The following CELF5 variants were observed in gnomAD, a reference collection of about 807,000 sequenced individuals.
The protein encoded by CELF5 is CUG-BP and ETR-3 like factor 5.
Under a neutral mutation model 54.9 loss-of-function variants are expected in CELF5, and 6 were observed. The ratio of observed to expected loss-of-function variants is 0.11; its 90% CI spans 0.06 to 0.22. CELF5 has a LOEUF of 0.22. Ranked by LOEUF, CELF5 falls within the 10% of genes least tolerant of loss-of-function variation. CELF5 has a pLI of 1.00. For synonymous variants in CELF5, 271 were observed against 290.9 expected (o/e 0.93, Z 0.70); for missense variants, 401 against 678.6 (o/e 0.59, Z 4.54).
intron 1 of CELF5, among the ~76,000 whole-genome samples, chr19:3,243,855 C>T (rs753324681): frequency 6.6e-5 from 10 of 152,032 alleles, no homozygotes; most frequent in Non-Finnish European, 1.5e-4. Context: ...TTCACGTCCC[C>T]CTGCCTGTGC....
intron 10 of CELF5, among the ~76,000 whole-genome samples, chr19:3,287,429 G>A (rs313783): frequency 0.13 from 19,635 of 149,326 alleles, 1,853 homozygotes; most frequent in African/African-American, 0.25. Context: ...GCGTGGTGGC[G>A]TGTGTCTGTA....
intron 10 of CELF5, 137 bp downstream of exon 10, chr19:3,286,162 T>C (rs2080245301): frequency 1.5e-6 from 1 of 673,262 alleles, no homozygotes; most frequent in East Asian, 3.4e-5. Flanking sequence ...CAGGCCAGAG[T>C]TGAGTCCCGG....
intron 5 of CELF5, among the ~76,000 whole-genome samples, chr19:3,280,103 C>T (rs2080123372): frequency 6.6e-6 from 1 of 152,300 alleles, no homozygotes; most frequent in East Asian, 1.9e-4. Context: ...CCCAGGGCTG[C>T]CTGTTGGTGG....
Position 3,296,998 on chromosome 19 carries a change from G to A in CELF5, c.*281G>A, listed in dbSNP as rs1392267581. On this transcript the variant is annotated 3_prime_UTR_variant, in exon 13 of 13. Coordinates refer to ENST00000292672, the MANE Select transcript of CELF5 (RefSeq NM_021938.4). ...AGCAAAGCGTCTTAATGTTCAAAAC[G>A]CCTCTCTTTGGTCTGGAGAAAAAAA... 1 of 111,368 alleles carries A rather than the reference G, an allele frequency of 9.0e-6. No individual in the cohort carries two copies. The highest frequency in any genetic ancestry group is 1.7e-5 in the Non-Finnish European group (1 of 57,612). The allele number at this position is 111,368 out of a possible 1,614,324, so 6.9% of individuals were successfully genotyped here.
chr19:3,250,880 G>GTATCATTAAA, intron 1 of CELF5, 105 bp from the exon 2 acceptor site: 1 of 717,672 alleles, frequency 1.4e-6, no homozygotes, highest in South Asian at 1.7e-5. Context: ...TGCATCTGTG[G>GTATCATTAAA]ATGGAAGCTT....
intron 11 of CELF5, among the ~76,000 whole-genome samples, chr19:3,291,620 A>G (rs62127964): frequency 0.53 from 79,021 of 147,922 alleles, 22,669 homozygotes; most frequent in Middle Eastern, 0.69. Context: ...AGCACCAGGC[A>G]TGGGAAATCT....
At chr19:3,246,952 G>A (rs181851401) in intron 1 of CELF5, among the ~76,000 whole-genome samples, 3 of 152,242 alleles carry the variant, frequency 2.0e-5, no homozygotes, top group African/African-American at 4.8e-5. Flanking sequence ...CTATGATTTC[G>A]TTTATATAAG....
intron 1 of CELF5, among the ~76,000 whole-genome samples, chr19:3,225,262 C>A (rs1019754613): frequency 9.2e-6 from 1 of 108,120 alleles, no homozygotes; most frequent in Non-Finnish European, 1.9e-5. Context: ...CTCTCTCTCT[C>A]CCTCTCTCTC....
chr19:3,296,351 A>C (rs1435470155), intron 12 of CELF5: 39 of 149,024 alleles, frequency 2.6e-4, no homozygotes, highest in African/African-American at 9.3e-4. Context: ...AAAAAAAAAA[A>C]AAAACCAAGC....
chr19:3,250,608 T>A (rs1040748560), intron 1 of CELF5, among the ~76,000 whole-genome samples: 1 of 152,190 alleles, frequency 6.6e-6, no homozygotes, highest in Non-Finnish European at 1.5e-5. Flanking sequence ...ACTGAAACTC[T>A]GTCCCCATGA....
At chr19:3,253,596 A>G (rs145436065) in intron 2 of CELF5, among the ~76,000 whole-genome samples, 1 of 152,228 alleles carries the variant, frequency 6.6e-6, no homozygotes, top group East Asian at 1.9e-4. Context: ...TTTCCACCAC[A>G]TTCTAGCACC....
intron 9 of CELF5, 66 bp from the exon 10 acceptor site, chr19:3,285,876 G>T (rs1259120480): frequency 4.1e-6 from 2 of 485,070 alleles, no homozygotes; most frequent in East Asian, 2.5e-4. Flanking sequence ...TCCCCGCCCA[G>T]CGGCCCAGGC....
intron 3 of CELF5, 104 bp downstream of exon 3, chr19:3,274,027 G>C: frequency 8.3e-7 from 1 of 1,207,066 alleles, no homozygotes; most frequent in Middle Eastern, 2.3e-4. Context: ...AGTGGCCGAG[G>C]CCTGTGGATC....
chr19:3,247,013 G>C (rs1215041790), intron 1 of CELF5, among the ~76,000 whole-genome samples: 1 of 152,232 alleles, frequency 6.6e-6, no homozygotes, highest in Non-Finnish European at 1.5e-5. Flanking sequence ...CGCACATGGT[G>C]GGGACACCAT....
chr19:3,234,966 C>T (rs530155081), intron 1 of CELF5, among the ~76,000 whole-genome samples: 1 of 152,218 alleles, frequency 6.6e-6, no homozygotes, highest in South Asian at 2.1e-4. Flanking sequence ...CCCGTCCCTC[C>T]TCTGCCTGCA....
rs991207714 is a variant in CELF5, at chr19:3,268,983, A to G, written c.343-4889A>G. On this transcript the variant is annotated intron_variant, in intron 2 of 12. Transcript: ENST00000292672. This position sits in a 1 kb window ranked among gnomAD's most constrained non-coding sequence, Gnocchi z 4.4. Reference sequence around the variant, plus strand: ...TGCCAGGATCAAGGGCTGAGCCTCTACCCAGAGAGCAATAGGGAGCCACAG... The same window carrying G: ...TGCCAGGATCAAGGGCTGAGCCTCTGCCCAGAGAGCAATAGGGAGCCACAG... Among the ~76,000 whole-genome samples the G allele has an allele frequency of 1.3e-5, 2 of 152,004 alleles. No homozygotes were observed. The highest frequency in any genetic ancestry group is 2.9e-5 in the Non-Finnish European group (2 of 68,006).
chr19:3,281,390 T>G lies in CELF5; in HGVS notation c.750+45T>G, dbSNP rs1392756118. ...CTTCGGGGCTCCGGCTCCGTCTCTC[T>G]CAGTCTCTGTCTACTCTCTGTCGGG... On this transcript the variant is annotated intron_variant, in intron 6 of 12. Transcript: ENST00000292672. This position sits in a 1 kb window ranked among gnomAD's most constrained non-coding sequence, Gnocchi z 6.5. 1 of 1,568,552 alleles carries G rather than the reference T, an allele frequency of 6.4e-7. No individual in the cohort carries two copies. Among genetic ancestry groups the G allele is most frequent in the Non-Finnish European group, 8.7e-7 (1 of 1,154,990 alleles).
intron 4 of CELF5, among the ~76,000 whole-genome samples, chr19:3,276,317 C>T (rs2080051462): frequency 9.3e-6 from 1 of 107,728 alleles, no homozygotes; most frequent in Non-Finnish European, 1.9e-5. Context: ...GGTGTGGCTG[C>T]AGGGGTGGGG....
At chr19:3,251,368 A>G (rs1376297453) in intron 2 of CELF5, among the ~76,000 whole-genome samples, 1 of 152,098 alleles carries the variant, frequency 6.6e-6, no homozygotes. Context: ...AGGATAAGGA[A>G]GCATTAGCAG....
Sources: allele counts gnomAD v4.1 joint callset (sites outside exome capture counted in the v4.1 genomes callset), GRCh38; gene constraint gnomAD v4.1.1; non-coding constraint Gnocchi (gnomAD v3.1); transcripts MANE v1.5; gene names NCBI Gene and HGNC (gene_info 2026-07-23, HGNC 2026-07-21).